Variants in HSD17B12 observed in about 807,000 individuals in gnomAD.
HSD17B12 encodes very-long-chain 3-oxoacyl-CoA reductase.
Under a neutral mutation model 39.3 loss-of-function variants are expected in HSD17B12, and 32 were observed. That is an observed-to-expected ratio of 0.81 (90% CI 0.61 to 1.09). The LOEUF (loss-of-function observed/expected upper bound fraction) is 1.09, where lower values mean the gene tolerates loss of function less well. HSD17B12 is among the 50% of genes least tolerant of loss of function. HSD17B12 has a pLI of 0.00. For synonymous variants in HSD17B12, 150 were observed against 146.7 expected, an observed-to-expected ratio of 1.02 and a Z score of -0.16; for missense variants, 342 against 382.9, an observed-to-expected ratio of 0.89 and a Z score of 0.89.
chr11:43,750,582 G>A (rs1950456820), intron 1 of HSD17B12, among the ~76,000 whole-genome samples: 1 of 152,124 alleles, frequency 6.6e-6, no homozygotes, highest in Non-Finnish European at 1.5e-5. Context: ...TGTCTCTTGA[G>A]AATTGGTGGG....
the HSD17B12 span, among the ~76,000 whole-genome samples, chr11:43,585,955 A>C: frequency 0.14 from 20,859 of 152,240 alleles, 1,606 homozygotes; most frequent in Middle Eastern, 0.26. Flanking sequence ...GTAGCATGCC[A>C]AAACTGGAAA....
the HSD17B12 span, among the ~76,000 whole-genome samples, chr11:43,601,719 C>A: frequency 1.9e-3 from 284 of 152,358 alleles, 1 homozygote; most frequent in African/African-American, 6.5e-3. Context: ...GTCTCCACTT[C>A]TGCCAGAGTC....
intron 1 of HSD17B12, among the ~76,000 whole-genome samples, chr11:43,708,851 C>A (rs1332904350): frequency 1.3e-5 from 2 of 152,162 alleles, no homozygotes; most frequent in Admixed American, 1.3e-4. Context: ...AATTAAATTC[C>A]AAAATATTAC....
At chr11:43,705,081 A>T (rs1000917451) in intron 1 of HSD17B12, among the ~76,000 whole-genome samples, 4 of 152,254 alleles carry the variant, frequency 2.6e-5, no homozygotes, top group African/African-American at 9.6e-5. Context: ...TGATTTAAAT[A>T]AAGTCCAATG....
intron 2 of HSD17B12, 34 bp downstream of exon 2, chr11:43,750,991 A>G (rs1330754209): frequency 5.1e-6 from 7 of 1,375,828 alleles, no homozygotes; most frequent in Non-Finnish European, 7.1e-6. Flanking sequence ...CTTTTAATAT[A>G]AAAAATAAGA....
chr11:43,639,299 G>A, the HSD17B12 span, among the ~76,000 whole-genome samples: 1 of 152,202 alleles, frequency 6.6e-6, no homozygotes, highest in African/African-American at 2.4e-5. Flanking sequence ...CCACCTTGCT[G>A]GGAGAAAGGC....
intron 3 of HSD17B12, among the ~76,000 whole-genome samples, chr11:43,757,639 C>CAAAAAAAAAAAAAA (rs60598991): frequency 1.4e-4 from 1 of 7,206 alleles, no homozygotes; most frequent in African/African-American, 3.8e-4. Flanking sequence ...GACTCCGTCT[C>CAAAAAAAAAAAAAA]AAAAAAAAAA....
At chr11:43,772,800 C>A (rs1032741634) in intron 3 of HSD17B12, among the ~76,000 whole-genome samples, 1 of 151,816 alleles carries the variant, frequency 6.6e-6, no homozygotes, top group Non-Finnish European at 1.5e-5. Flanking sequence ...AGATTTTCAC[C>A]TGATTTGGGG....
the HSD17B12 span, among the ~76,000 whole-genome samples, chr11:43,674,408 A>T: frequency 2.6e-5 from 4 of 152,178 alleles, no homozygotes; most frequent in Non-Finnish European, 4.4e-5. Flanking sequence ...GGAAGTCGCC[A>T]TTTTTTCCCT....
the HSD17B12 span, among the ~76,000 whole-genome samples, chr11:43,573,638 A>G: frequency 6.6e-6 from 1 of 152,186 alleles, no homozygotes; most frequent in Non-Finnish European, 1.5e-5. Context: ...ATCTGTCTTG[A>G]TCTCAACATC....
intron 1 of HSD17B12, among the ~76,000 whole-genome samples, chr11:43,747,278 TA>T (rs1350609166): frequency 2.6e-5 from 4 of 152,322 alleles, no homozygotes; most frequent in African/African-American, 9.6e-5. Context: ...AATAGAGTGG[TA>T]AAGTGCCATA....
At position 43,831,266 on chromosome 11, in the gene HSD17B12, T is replaced by A. The variant is rs1179543234; in HGVS notation, c.536+256T>A. On this transcript the variant is annotated intron_variant, in intron 7 of 10. Transcript: ENST00000278353. This position sits in a 1 kb window ranked among gnomAD's most constrained non-coding sequence, Gnocchi z 4.1. ...TTAGATCAGGATGAAAAAGCCTGCC[T>A]GAGTCACCATCACTAACTCAATTGC... 1.5e-5 allele frequency: 4 copies of A among 267,244 alleles called. No individual in the cohort carries two copies. The highest frequency in any genetic ancestry group is 2.8e-5 in the Non-Finnish European group (4 of 142,106). The allele number at this position is 267,244 out of a possible 1,614,324, so 16.6% of individuals were successfully genotyped here.
chr11:43,666,988 G>C, the HSD17B12 span, among the ~76,000 whole-genome samples: 1 of 152,166 alleles, frequency 6.6e-6, no homozygotes, highest in East Asian at 1.9e-4. Context: ...CCTGCAGATA[G>C]CAAACCAACT....
At chr11:43,787,728 C>T (rs943081274) in intron 3 of HSD17B12, among the ~76,000 whole-genome samples, 17 of 142,622 alleles carry the variant, frequency 1.2e-4, no homozygotes, top group Non-Finnish European at 6.1e-5. Flanking sequence ...CAGAGCAAGA[C>T]TCCGTCTCGG....
At chr11:43,854,373 T>C (rs1253714114) in intron 9 of HSD17B12, 1 of 190,024 alleles carries the variant, frequency 5.3e-6, no homozygotes, top group Non-Finnish European at 1.1e-5. Context: ...TGTCTCAATG[T>C]TGAGTTTACT....
At chr11:43,672,494 T>G in the HSD17B12 span, among the ~76,000 whole-genome samples, 1 of 152,144 alleles carries the variant, frequency 6.6e-6, no homozygotes, top group Non-Finnish European at 1.5e-5. Flanking sequence ...AATGGGGTAA[T>G]GTATGTGAAG....
the HSD17B12 span, among the ~76,000 whole-genome samples, chr11:43,573,560 C>T: frequency 2.0e-5 from 3 of 152,154 alleles, no homozygotes; most frequent in African/African-American, 4.8e-5. Flanking sequence ...CTTCCATTTC[C>T]AACGCTACCT....
chr11:43,819,457 C>T lies in HSD17B12; in HGVS notation c.501+3066C>T, dbSNP rs1401986499. Among the ~76,000 whole-genome samples, 7 of 152,094 alleles carry T rather than the reference C, an allele frequency of 4.6e-5. No homozygotes were observed. The South Asian group carries it at 6.2e-4, about 13-fold the overall frequency. ...AGATCAGCATATTCAGTGGTCATTA[C>T]GGTGAGTCTCTGCTTAAAGACCAAA... On this transcript the variant is annotated intron_variant, in intron 6 of 10. Transcript: ENST00000278353.
At chr11:43,635,740 A>G in the HSD17B12 span, among the ~76,000 whole-genome samples, 27 of 152,358 alleles carry the variant, frequency 1.8e-4, no homozygotes, top group East Asian at 5.0e-3. Context: ...CTATACCAAG[A>G]TGATTTGATT....
Sources: allele counts gnomAD v4.1 joint callset (sites outside exome capture counted in the v4.1 genomes callset), GRCh38; gene constraint gnomAD v4.1.1; non-coding constraint Gnocchi (gnomAD v3.1); transcripts MANE v1.5; gene names NCBI Gene and HGNC (gene_info 2026-07-23, HGNC 2026-07-21).